SIPA1L3: variants seen among roughly 807,000 people sequenced by gnomAD.
SIPA1L3 encodes the protein signal-induced proliferation-associated 1-like protein 3.
In SIPA1L3, 59 loss-of-function variants were observed where a neutral mutation model predicts 150.1. The observed-to-expected ratio is 0.39, with a 90% CI of 0.32 to 0.49. The LOEUF (loss-of-function observed/expected upper bound fraction) is 0.49, where lower values mean the gene tolerates loss of function less well. Among genes scored for constraint, SIPA1L3 ranks in the 20% least tolerant of loss-of-function variants. SIPA1L3 has a pLI of 0.86. For synonymous variants in SIPA1L3, 1,070 were observed against 1,077.6 expected, an observed-to-expected ratio of 0.99 and a Z score of 0.14; for missense variants, 2,211 against 2,489.5, an observed-to-expected ratio of 0.89 and a Z score of 2.38.
chr19:38,180,256 G>A (rs1972526396), intron 15 of SIPA1L3, among the ~76,000 whole-genome samples: 1 of 152,098 alleles, frequency 6.6e-6, no homozygotes, highest in Non-Finnish European at 1.5e-5. Flanking sequence ...GTTAACAGTT[G>A]TTTTCTTTCA....
intron 1 of SIPA1L3, among the ~76,000 whole-genome samples, chr19:37,942,817 C>T (rs897897453): frequency 6.6e-6 from 1 of 152,042 alleles, no homozygotes; most frequent in Non-Finnish European, 1.5e-5. Context: ...CGGGTTCAGG[C>T]TTTGGTCTGC....
chr19:38,015,025 T>C (rs1213375103), intron 1 of SIPA1L3, among the ~76,000 whole-genome samples: 2 of 150,544 alleles, frequency 1.3e-5, no homozygotes, highest in African/African-American at 4.9e-5. Context: ...TGTTGCCCAG[T>C]CTGGTCTCAA....
intron 1 of SIPA1L3, among the ~76,000 whole-genome samples, chr19:37,999,818 C>T (rs1410743476): frequency 2.0e-5 from 3 of 152,108 alleles, no homozygotes; most frequent in South Asian, 2.1e-4. Flanking sequence ...ACAAACCTGG[C>T]GATAGGGACA....
chr19:37,922,314 C>T (rs749084831), intron 1 of SIPA1L3, among the ~76,000 whole-genome samples: 2 of 152,010 alleles, frequency 1.3e-5, no homozygotes, highest in South Asian at 2.1e-4. Context: ...TCTTGAACTC[C>T]TGATCTCAGG....
chr19:38,013,137 C>T (rs1968144981), intron 1 of SIPA1L3, among the ~76,000 whole-genome samples: 1 of 152,166 alleles, frequency 6.6e-6, no homozygotes, highest in East Asian at 1.9e-4. Flanking sequence ...CTCCGAGTTT[C>T]TCTCTGGCGC....
chr19:38,154,481 CTT>C (rs1240094675), intron 13 of SIPA1L3, among the ~76,000 whole-genome samples: 2 of 152,104 alleles, frequency 1.3e-5, no homozygotes, highest in African/African-American at 2.4e-5. Context: ...GAGTTTCGCT[CTT>C]GTCACCCAGG....
At chr19:38,172,218 G>A (rs1972342867) in intron 15 of SIPA1L3, among the ~76,000 whole-genome samples, 1 of 152,182 alleles carries the variant, frequency 6.6e-6, no homozygotes, top group African/African-American at 2.4e-5. Context: ...CCAGGGCAGA[G>A]CCAGCAAGCC....
chr19:38,016,483 T>C (rs1968234613), intron 1 of SIPA1L3, among the ~76,000 whole-genome samples: 1 of 152,096 alleles, frequency 6.6e-6, no homozygotes, highest in Non-Finnish European at 1.5e-5. Flanking sequence ...CACATATAGG[T>C]ATACATACTG....
chr19:38,189,960 T>C (rs944644154), intron 16 of SIPA1L3, among the ~76,000 whole-genome samples: 1 of 152,178 alleles, frequency 6.6e-6, no homozygotes, highest in African/African-American at 2.4e-5. Context: ...CATGCGTCTC[T>C]GGAGGGTGTG....
At chr19:38,141,938 C>A (rs564020058) in intron 11 of SIPA1L3, among the ~76,000 whole-genome samples, 1 of 152,140 alleles carries the variant, frequency 6.6e-6, no homozygotes, top group Non-Finnish European at 1.5e-5. Context: ...GCTGTGATTG[C>A]ACCACTGCAC....
At chr19:38,097,749 G>T (rs1045177385) in intron 4 of SIPA1L3, among the ~76,000 whole-genome samples, 1 of 152,118 alleles carries the variant, frequency 6.6e-6, no homozygotes, top group Non-Finnish European at 1.5e-5. Flanking sequence ...TAGAGACAGG[G>T]TTTCACCCAT....
At chr19:37,968,341 G>C (rs905655134) in intron 1 of SIPA1L3, among the ~76,000 whole-genome samples, 2 of 152,078 alleles carry the variant, frequency 1.3e-5, no homozygotes, top group Non-Finnish European at 2.9e-5. Flanking sequence ...CAAAGTGCTG[G>C]GATTACAGGC....
chr19:38,162,498 G>T, intron 14 of SIPA1L3, 127 bp downstream of exon 14: 1 of 710,580 alleles, frequency 1.4e-6, no homozygotes, highest in South Asian at 1.7e-5. Context: ...TTGAATACTT[G>T]GTCTGAGTTG....
intron 2 of SIPA1L3, among the ~76,000 whole-genome samples, chr19:38,066,931 A>G (rs1969606756): frequency 6.6e-6 from 1 of 151,532 alleles, no homozygotes; most frequent in East Asian, 2.0e-4. Context: ...GAAAAACTGT[A>G]CTGATTTAAC....
At chr19:38,196,121 C>T (rs938800390) in intron 18 of SIPA1L3, among the ~76,000 whole-genome samples, 10 of 152,168 alleles carry the variant, frequency 6.6e-5, no homozygotes, top group Admixed American at 6.5e-4. Flanking sequence ...GAGCCCTTCC[C>T]GGGCCCCATC....
chr19:38,159,197 G>A (rs1314363906), intron 13 of SIPA1L3, among the ~76,000 whole-genome samples: 1 of 152,228 alleles, frequency 6.6e-6, no homozygotes, highest in East Asian at 1.9e-4. Flanking sequence ...ACCCTCAACT[G>A]AGACTAGACC....
At position 38,082,878 on chromosome 19, in the gene SIPA1L3, G is replaced by A. The variant is rs188765401; in HGVS notation, c.1313G>A (p.Cys438Tyr). 6.2e-5 allele frequency: 100 copies of A among 1,613,560 alleles called. No individual in the cohort carries two copies. The highest frequency in any genetic ancestry group is 5.6e-4 in the South Asian group (51 of 91,080). Reference sequence around the variant, plus strand: ...TTCCGCAATGAGATCGGGGGCGAGTGTGAGCGCAACGTGAGCTTCTCCCGG... The same window carrying A: ...TTCCGCAATGAGATCGGGGGCGAGTATGAGCGCAACGTGAGCTTCTCCCGG... ...PHFRNEIGGE[C>Y]ERNVSFSRAS... The change falls in exon 3 of 22, where the codon TGT becomes TAT. Residue 438 changes from cysteine (C) to tyrosine (Y), a missense_variant. This residue lies in a region of SIPA1L3 where 587 missense variants were observed against 534.5 expected (regional missense o/e 1.10). Coordinates refer to ENST00000222345, the MANE Select transcript of SIPA1L3 (RefSeq NM_015073.3).
At chr19:38,106,761 C>T (rs1970632441) in intron 7 of SIPA1L3, 121 bp downstream of exon 7, 3 of 674,420 alleles carry the variant, frequency 4.4e-6, no homozygotes, top group South Asian at 3.5e-5. Context: ...GCCATCTTTA[C>T]TATGGTCACT....
Position 38,046,719 on chromosome 19 carries a change from C to T in SIPA1L3, c.-311+17563C>T, listed in dbSNP as rs537661212. 1.2e-4 allele frequency among the ~76,000 whole-genome samples: 19 copies of T among 152,334 alleles called. No homozygotes were observed. Among genetic ancestry groups the T allele is most frequent in the South Asian group, 6.2e-4 (3 of 4,828 alleles). ...GGGGCCCAGGTCCCCCGAGCAGCTC[C>T]TCTGACCCCGCAACCCGGCATCTCC... is the stretch of plus-strand genomic sequence containing the variant. On this transcript the variant is annotated intron_variant, in intron 2 of 21. Coordinates refer to ENST00000222345, the MANE Select transcript of SIPA1L3 (RefSeq NM_015073.3). This position sits in a 1 kb window ranked among gnomAD's most constrained non-coding sequence, Gnocchi z 5.6.
Sources: allele counts gnomAD v4.1 joint callset (sites outside exome capture counted in the v4.1 genomes callset), GRCh38; gene constraint gnomAD v4.1.1; regional missense constraint gnomAD v4.1.1; non-coding constraint Gnocchi (gnomAD v3.1); transcripts MANE v1.5; gene names NCBI Gene and HGNC (gene_info 2026-07-23, HGNC 2026-07-21).